Variants in AMPD3 observed in about 807,000 individuals in gnomAD.
The protein encoded by AMPD3 is AMP deaminase 3.
Under a neutral mutation model 82.3 loss-of-function variants are expected in AMPD3, and 57 were observed. The observed-to-expected ratio is 0.69, with a 90% CI of 0.56 to 0.86. The LOEUF (loss-of-function observed/expected upper bound fraction) is 0.86, where lower values mean the gene tolerates loss of function less well. AMPD3 is among the 40% of genes least tolerant of loss of function. The pLI is 0.00. For synonymous variants in AMPD3, 381 were observed against 394.7 expected (o/e 0.97, Z 0.41); for missense variants, 870 against 1,003.8 (o/e 0.87, Z 1.80).
intron 14 of AMPD3, 174 bp from the exon 15 acceptor site, chr11:10,505,534 G>C: frequency 1.0e-6 from 1 of 985,400 alleles, no homozygotes; most frequent in Non-Finnish European, 1.2e-6. Context: ...CATCCTTGAG[G>C]ACACAGAGGC....
chr11:10,488,186 G>A (rs1350833209), intron 6 of AMPD3: 2 of 985,228 alleles, frequency 2.0e-6, no homozygotes, highest in Admixed American at 6.1e-5. Context: ...GGCCGCAACT[G>A]CGGTAGGAGC....
intron 3 of AMPD3, among the ~76,000 whole-genome samples, chr11:10,481,165 T>C (rs1848892031): frequency 2.0e-5 from 3 of 152,180 alleles, no homozygotes; most frequent in Admixed American, 2.0e-4. Context: ...ATGAAATCTA[T>C]GGAAAGGTCT....
rs1321500657 is a variant in AMPD3 at position 10,484,981 on chromosome 11, C to T, written c.751C>T (p.Leu251=). The change falls in exon 5 of 15, where the codon CTG becomes TTG. Residue 251 remains leucine, a synonymous_variant. Transcript: ENST00000396553. Reference sequence around the variant, plus strand: ...GCCGCACAGCCTACCCTACCCCGACCTGGAGACCTACACGGTGGACATGAG... The same window carrying T: ...GCCGCACAGCCTACCCTACCCCGACTTGGAGACCTACACGGTGGACATGAG... ...QEPHSLPYPD[L]ETYTVDMSHI... is the part of the protein sequence containing the mutation. 2.5e-6 allele frequency: 4 copies of T among 1,601,988 alleles called. No individual in the cohort carries two copies. Among genetic ancestry groups the T allele is most frequent in the South Asian group, 1.1e-5 (1 of 90,230 alleles).
At chr11:10,499,241 T>G (rs1455709550) in intron 10 of AMPD3, 1 of 153,148 alleles carries the variant, frequency 6.5e-6, no homozygotes, top group Non-Finnish European at 1.5e-5. Context: ...TTTGTTTTTT[T>G]TAGATGGAGT....
intron 10 of AMPD3, among the ~76,000 whole-genome samples, chr11:10,497,223 C>A (rs1015968321): frequency 7.2e-5 from 11 of 152,068 alleles, no homozygotes; most frequent in Admixed American, 3.9e-4. Context: ...AGACTGGGAA[C>A]TCGGTTCCTG....
At chr11:10,494,418 A>G in intron 7 of AMPD3, 5 of 355,296 alleles carry the variant, frequency 1.4e-5, no homozygotes, top group Non-Finnish European at 2.0e-5. Flanking sequence ...TGATGGTTGC[A>G]CAACAATGTC....
chr11:10,496,996 G>C, intron 10 of AMPD3, 58 bp downstream of exon 10: 1 of 1,597,810 alleles, frequency 6.3e-7, no homozygotes, highest in Middle Eastern at 1.7e-4. Flanking sequence ...GAATGGATTC[G>C]CTGTGAGCTG....
Position 10,494,672 on chromosome 11 carries a change from G to A in AMPD3, c.1135-227G>A, listed in dbSNP as rs79848904. ...CCGAGCTGTGGTAACTTGCAGGTGG[G>A]GCCTCTGCTGTTCCTTCACAGGGGG... On this transcript the variant is annotated intron_variant, in intron 7 of 14. Transcript: ENST00000396553. 7.0e-3 allele frequency: 6,929 copies of A among 985,366 alleles called. 331 individuals are homozygous for A. In the African/African-American group the frequency reaches 0.1, roughly 15 times the overall value. 61.0% of individuals were successfully genotyped at this position (985,366 alleles called of 1,614,324 possible). A position where few individuals can be genotyped will look rare whatever the true frequency, so the allele number is the denominator to read the frequency against.
At position 10,502,701 on chromosome 11, in the gene AMPD3, G is replaced by A. The variant is rs199907307; in HGVS notation, c.1843-20G>A. ...CCCCTCTCTGGCACTTGTCACATGA[G>A]TTCGGTGGTTCTTTTGCAGAGTCCG... On this transcript the variant is annotated intron_variant, in intron 12 of 14. Coordinates refer to ENST00000396553, the MANE Select transcript of AMPD3 (RefSeq NM_001025389.2). The A allele has an allele frequency of 6.2e-7, 1 of 1,613,748 alleles. No homozygotes were observed. The highest frequency in any genetic ancestry group is 1.3e-5 in the African/African-American group (1 of 75,028).
chr11:10,494,509 CA>C (rs11455471), intron 7 of AMPD3: 20 of 954,458 alleles, frequency 2.1e-5, no homozygotes, highest in Non-Finnish European at 2.4e-5. Flanking sequence ...TTTATTAGAA[CA>C]AAAAAAACTT....
At chr11:10,450,833 C>T, upstream of AMPD3, 1 of 1,194,478 alleles carries the variant, frequency 8.4e-7, no homozygotes, top group Non-Finnish European at 1.0e-6. Flanking sequence ...CTCCCTCCTC[C>T]CGCGGGGCCC....
intron 6 of AMPD3, 37 bp downstream of exon 6, chr11:10,487,401 G>A (rs781643626): frequency 1.8e-5 from 29 of 1,612,010 alleles, no homozygotes; most frequent in East Asian, 2.2e-5. Context: ...TGCCTCACCC[G>A]GTCCCCCTCC....
intron 13 of AMPD3, chr11:10,504,343 C>T (rs1271159910): frequency 3.6e-6 from 2 of 550,838 alleles, no homozygotes; most frequent in South Asian, 7.7e-5. Context: ...AATGTAGAGG[C>T]GTGATTTTAG....
Position 10,505,062 on chromosome 11 carries a change from G to A in AMPD3, c.2127+403G>A, listed in dbSNP as rs1476218665. 3 of 957,940 alleles carry A rather than the reference G, an allele frequency of 3.1e-6. No homozygotes were observed. In the African/African-American group the frequency reaches 5.3e-5, roughly 17 times the overall value. The allele number at this position is 957,940 out of a possible 1,614,324, so 59.3% of individuals were successfully genotyped here. ...ATCCCCGGGCCCTAGATAGTCCCTG[G>A]CACATAGCAGGCGCTCAATATTTCT... On this transcript the variant is annotated intron_variant, in intron 14 of 14. Transcript: ENST00000396553.
At chr11:10,498,162 C>T (rs1213278128) in intron 10 of AMPD3, among the ~76,000 whole-genome samples, 4 of 152,214 alleles carry the variant, frequency 2.6e-5, no homozygotes, top group Admixed American at 6.5e-5. Context: ...TACCAGCTTG[C>T]GTCTCTGAGG....
rs985747127 is a variant in AMPD3, at chr11:10,496,154, A to C, written c.1430+421A>C. 3.4e-6 allele frequency: 3 copies of C among 874,134 alleles called. No homozygotes were observed. In the East Asian group the frequency reaches 3.6e-4, roughly 105 times the overall value. 54.1% of individuals were successfully genotyped at this position (874,134 alleles called of 1,614,324 possible). ...CTGGTCTTGAACTCCTGACCTCGTG[A>C]TCCACCTGCCTCAGCCTCCCAAAAT... On this transcript the variant is annotated intron_variant, in intron 9 of 14. Transcript: ENST00000396553.
intron 2 of AMPD3, among the ~76,000 whole-genome samples, chr11:10,474,993 A>T (rs1848697749): frequency 6.6e-6 from 1 of 152,118 alleles, no homozygotes; most frequent in Non-Finnish European, 1.5e-5. Flanking sequence ...TCATAGACAC[A>T]CTCACTCACT....
intron 11 of AMPD3, 85 bp from the exon 12 acceptor site, chr11:10,501,385 G>A: frequency 6.4e-7 from 1 of 1,573,616 alleles, no homozygotes; most frequent in Non-Finnish European, 8.6e-7. Context: ...ATTCCCCCCG[G>A]AGCTGGCCCT....
chr11:10,497,786 C>A (rs1048430134), intron 10 of AMPD3: 45 of 985,214 alleles, frequency 4.6e-5, no homozygotes, highest in Non-Finnish European at 5.3e-5. Context: ...CTTGACCCAG[C>A]GGAAATAGCT....
Sources: allele counts gnomAD v4.1 joint callset (sites outside exome capture counted in the v4.1 genomes callset), GRCh38; gene constraint gnomAD v4.1.1; transcripts MANE v1.5; gene names NCBI Gene and HGNC (gene_info 2026-07-23, HGNC 2026-07-21).